Variants in CLMN observed in about 807,000 individuals in gnomAD.
CLMN encodes the protein calmin (calponin-like, transmembrane).
Under a neutral mutation model 92.7 loss-of-function variants are expected in CLMN, and 57 were observed. The ratio of observed to expected loss-of-function variants is 0.61; its 90% CI spans 0.50 to 0.77. The LOEUF (loss-of-function observed/expected upper bound fraction) is 0.77, where lower values mean the gene tolerates loss of function less well. Among genes scored for constraint, CLMN ranks in the 30% least tolerant of loss-of-function variants. The probability of loss-of-function intolerance (pLI) is 0.00; values close to 1 mark genes in which losing one functional copy is unlikely to be tolerated. For missense variants in CLMN, 1,158 were observed against 1,237.5 expected (o/e 0.94, Z 0.96); for synonymous variants, 466 against 470.6 (o/e 0.99, Z 0.13).
At chr14:95,298,019 A>G (rs1237572374) in intron 1 of CLMN, among the ~76,000 whole-genome samples, 3 of 152,070 alleles carry the variant, frequency 2.0e-5, no homozygotes, top group African/African-American at 7.2e-5. Flanking sequence ...ACCACTTTGC[A>G]TTTCCCCCAG....
intron 1 of CLMN, among the ~76,000 whole-genome samples, chr14:95,311,978 G>T (rs901101240): frequency 6.6e-6 from 1 of 152,188 alleles, no homozygotes; most frequent in South Asian, 2.1e-4. Flanking sequence ...AGCCTCCCCG[G>T]GTTTCTATGG....
At chr14:95,223,974 G>A in intron 2 of CLMN, 119 bp from the exon 3 acceptor site, 1 of 707,048 alleles carries the variant, frequency 1.4e-6, no homozygotes, top group Non-Finnish European at 2.3e-6. Flanking sequence ...CTGTTTACAG[G>A]TAGAAAAGCC....
chr14:95,286,075 T>A (rs752904261), intron 1 of CLMN, among the ~76,000 whole-genome samples: 3 of 152,226 alleles, frequency 2.0e-5, no homozygotes, highest in African/African-American at 7.2e-5. Context: ...CTGAAAAACT[T>A]CTTCCTCTGG....
At chr14:95,234,306 G>A (rs1222981513) in intron 1 of CLMN, among the ~76,000 whole-genome samples, 3 of 152,286 alleles carry the variant, frequency 2.0e-5, no homozygotes, top group Admixed American at 6.5e-5. Context: ...TCTGGTCACC[G>A]GCGTTTTGAC....
intron 1 of CLMN, among the ~76,000 whole-genome samples, chr14:95,273,219 T>C (rs572119052): frequency 2.9e-4 from 44 of 152,124 alleles, no homozygotes; most frequent in Non-Finnish European, 5.3e-4. Flanking sequence ...CCCCAGAGGA[T>C]GTTCAGAAGG....
intron 1 of CLMN, among the ~76,000 whole-genome samples, chr14:95,308,770 G>A (rs868118521): frequency 3.9e-5 from 6 of 152,090 alleles, no homozygotes; most frequent in Non-Finnish European, 5.9e-5. Flanking sequence ...CAACAATACC[G>A]CAGATTGTCT....
chr14:95,310,547 C>T (rs60466358), intron 1 of CLMN, among the ~76,000 whole-genome samples: 9,434 of 152,304 alleles, frequency 0.062, 307 homozygotes, highest in Middle Eastern at 0.095. Flanking sequence ...AGGATGTGGA[C>T]ATCTTGCAGG....
intron 1 of CLMN, among the ~76,000 whole-genome samples, chr14:95,300,210 C>A (rs1312670024): frequency 6.6e-6 from 1 of 152,178 alleles, no homozygotes; most frequent in African/African-American, 2.4e-5. Context: ...CACATCCTGC[C>A]CCCAAAGGGC....
intron 9 of CLMN, among the ~76,000 whole-genome samples, chr14:95,198,816 A>G (rs1041662467): frequency 2.0e-5 from 3 of 152,246 alleles, no homozygotes; most frequent in African/African-American, 7.2e-5. Context: ...GCATTCGAGA[A>G]CAAACTGCCA....
intron 1 of CLMN, among the ~76,000 whole-genome samples, chr14:95,274,087 A>G (rs1404266117): frequency 6.6e-6 from 1 of 152,018 alleles, no homozygotes; most frequent in East Asian, 1.9e-4. Flanking sequence ...TAGGTTTCCC[A>G]TGTTTTATTG....
intron 9 of CLMN, among the ~76,000 whole-genome samples, chr14:95,197,382 TAGAG>T (rs201047116): frequency 0.02 from 2,379 of 117,028 alleles, 67 homozygotes; most frequent in African/African-American, 0.07. Flanking sequence ...GGAAGGAAGA[TAGAG>T]AGAGAAAGAA....
At chr14:95,204,830 G>T (rs1391001890) in intron 8 of CLMN, among the ~76,000 whole-genome samples, 2 of 152,182 alleles carry the variant, frequency 1.3e-5, no homozygotes, top group African/African-American at 4.8e-5. Context: ...GGACCATGTT[G>T]CCTAGTCTGG....
At chr14:95,212,014 C>CT (rs977396826) in intron 6 of CLMN, among the ~76,000 whole-genome samples, 43 of 152,150 alleles carry the variant, frequency 2.8e-4, no homozygotes, top group African/African-American at 1.0e-3. Flanking sequence ...TGACAATGAA[C>CT]TTTTTTTTGG....
rs1027075170 is a variant in CLMN, at chr14:95,202,957, G to A, written c.2392C>T (p.Leu798=). The A allele has an allele frequency of 1.9e-6, 3 of 1,613,938 alleles. No homozygotes were observed. In the African/African-American group the frequency reaches 4.0e-5, roughly 22 times the overall value. The change falls in exon 9 of 13, where the codon CTG becomes TTG. Residue 798 remains leucine (L), a synonymous_variant. Coordinates refer to ENST00000298912, the MANE Select transcript of CLMN (RefSeq NM_024734.4). Reference sequence around the variant, plus strand: ...CCCACACCACCCCTGCTGAGATACAGCACCTGGTCGCTGGCACTGGGGAGG... The same window carrying A: ...CCCACACCACCCCTGCTGAGATACAACACCTGGTCGCTGGCACTGGGGAGG... ...ESLPSASDQV[L]YLSRGGVGTT... is the part of the protein sequence containing the mutation.
chr14:95,195,766 G>A (rs1371329854), intron 10 of CLMN, among the ~76,000 whole-genome samples: 1 of 152,030 alleles, frequency 6.6e-6, no homozygotes, highest in African/African-American at 2.4e-5. Flanking sequence ...AAGTTCCTGG[G>A]CACAGTAAGG....
chr14:95,306,495 G>A (rs1194252722), intron 1 of CLMN, among the ~76,000 whole-genome samples: 2 of 151,878 alleles, frequency 1.3e-5, no homozygotes, highest in Non-Finnish European at 2.9e-5. Flanking sequence ...CAGAGACAGT[G>A]ACCACACCTG....
At chr14:95,316,226 G>A (rs1376189629) in intron 1 of CLMN, among the ~76,000 whole-genome samples, 2 of 152,216 alleles carry the variant, frequency 1.3e-5, no homozygotes, top group Admixed American at 1.3e-4. Context: ...AGGAAGCAGG[G>A]ACCACCTGGC....
chr14:95,220,674 T>C (rs1363662551), intron 4 of CLMN, among the ~76,000 whole-genome samples: 2 of 152,186 alleles, frequency 1.3e-5, no homozygotes, highest in Non-Finnish European at 2.9e-5. Context: ...CCTACCCCTG[T>C]TCAGACAGTG....
chr14:95,275,636 A>G (rs1899896400), intron 1 of CLMN, among the ~76,000 whole-genome samples: 1 of 152,190 alleles, frequency 6.6e-6, no homozygotes, highest in South Asian at 2.1e-4. Context: ...TCTGGACCAC[A>G]CTGCCTATTG....
Sources: allele counts gnomAD v4.1 joint callset (sites outside exome capture counted in the v4.1 genomes callset), GRCh38; gene constraint gnomAD v4.1.1; transcripts MANE v1.5; gene names NCBI Gene and HGNC (gene_info 2026-07-23, HGNC 2026-07-21).